SLC8A3: variants seen among roughly 807,000 people sequenced by gnomAD.
SLC8A3 encodes the protein sodium/calcium exchanger 3.
A neutral mutation model predicts 65.4 loss-of-function variants in SLC8A3; 37 were observed. The observed-to-expected ratio is 0.57, with a 90% confidence interval of 0.44 to 0.74. The LOEUF is 0.74. SLC8A3 is among the 30% of genes least tolerant of loss of function. The probability of loss-of-function intolerance (pLI) is 0.00; values close to 1 mark genes in which losing one functional copy is unlikely to be tolerated. For missense variants in SLC8A3, 1,112 were observed against 1,172.1 expected (o/e 0.95, Z 0.75); for synonymous variants, 461 against 444.5 (o/e 1.04, Z -0.47).
chr14:70,170,693 C>T (rs889154916), intron 1 of SLC8A3, among the ~76,000 whole-genome samples: 2 of 152,180 alleles, frequency 1.3e-5, no homozygotes, highest in Non-Finnish European at 2.9e-5. Context: ...AAAGCCTGTG[C>T]TCAAAGAGAA....
chr14:70,064,516 G>A (rs1889186530), intron 2 of SLC8A3, among the ~76,000 whole-genome samples: 1 of 151,648 alleles, frequency 6.6e-6, no homozygotes, highest in Non-Finnish European at 1.5e-5. Context: ...CTATTCTATG[G>A]GAGCCGGCGG....
chr14:70,058,647 A>T (rs1888429013), intron 3 of SLC8A3, among the ~76,000 whole-genome samples: 1 of 152,200 alleles, frequency 6.6e-6, no homozygotes, highest in Admixed American at 6.5e-5. Context: ...AGACATTTGC[A>T]TTTGGTTAGG....
chr14:70,079,084 G>T (rs528283386), intron 2 of SLC8A3, among the ~76,000 whole-genome samples: 1 of 152,164 alleles, frequency 6.6e-6, no homozygotes, highest in Non-Finnish European at 1.5e-5. Context: ...TTCCTTATTT[G>T]TCTTCTCCAC....
intron 2 of SLC8A3, among the ~76,000 whole-genome samples, chr14:70,165,334 G>A (rs1017947451): frequency 3.9e-5 from 6 of 152,138 alleles, no homozygotes; most frequent in Non-Finnish European, 7.4e-5. Context: ...CTGGACCTGG[G>A]CAGAAGCACT....
chr14:70,177,452 A>T (rs7146198), intron 1 of SLC8A3, among the ~76,000 whole-genome samples: 1 of 152,138 alleles, frequency 6.6e-6, no homozygotes, highest in Non-Finnish European at 1.5e-5. Flanking sequence ...GCATGTGCAA[A>T]GTGCCAAGAG....
rs777377301 is a variant in SLC8A3, at chr14:70,062,459, C to T, written c.1785-1520G>A. ...CTAGATGTGTTTAGATACACAAATA[C>T]CATTGTGCTACAGTTGCCTGCAATA... On this transcript the variant is annotated intron_variant, in intron 2 of 6. Coordinates refer to ENST00000356921, the MANE Select transcript of SLC8A3 (RefSeq NM_182932.3). Among the ~76,000 whole-genome samples the T allele has an allele frequency of 7.9e-5, 12 of 152,296 alleles. 1 individual carries two copies. In the Middle Eastern group the frequency reaches 0.01, roughly 130 times the overall value.
intron 2 of SLC8A3, among the ~76,000 whole-genome samples, chr14:70,120,179 C>T (rs1893960562): frequency 6.6e-6 from 1 of 152,188 alleles, no homozygotes; most frequent in African/African-American, 2.4e-5. Context: ...GGACATTCAA[C>T]TTTATATGAG....
chr14:70,176,099 C>G (rs1223646243), intron 1 of SLC8A3, among the ~76,000 whole-genome samples: 4 of 152,186 alleles, frequency 2.6e-5, no homozygotes, highest in Non-Finnish European at 4.4e-5. Context: ...CTCTCTACCT[C>G]TAAAATTCTG....
chr14:70,092,102 C>A (rs981108660), intron 2 of SLC8A3, among the ~76,000 whole-genome samples: 16 of 152,218 alleles, frequency 1.1e-4, no homozygotes, highest in African/African-American at 3.1e-4. Flanking sequence ...TTTCAAAGGA[C>A]TTTGATTTTT....
intron 1 of SLC8A3, among the ~76,000 whole-genome samples, chr14:70,174,707 C>T (rs947508520): frequency 1.8e-5 from 2 of 109,048 alleles, no homozygotes; most frequent in South Asian, 3.3e-4. Context: ...TAAGGCCAAA[C>T]ACTGTGCTAG....
At chr14:70,112,841 A>T (rs1893399761) in intron 2 of SLC8A3, among the ~76,000 whole-genome samples, 1 of 151,616 alleles carries the variant, frequency 6.6e-6, no homozygotes, top group African/African-American at 2.4e-5. Flanking sequence ...TAGATGCCTC[A>T]CTCCAGTCTT....
intron 2 of SLC8A3, among the ~76,000 whole-genome samples, chr14:70,099,157 C>A (rs7148389): frequency 0.091 from 13,825 of 152,196 alleles, 1,036 homozygotes; most frequent in East Asian, 0.41. Flanking sequence ...TTTTTCACAT[C>A]CCGAGAAGGA....
intron 1 of SLC8A3, among the ~76,000 whole-genome samples, chr14:70,175,468 T>C (rs956569516): frequency 6.6e-6 from 1 of 152,152 alleles, no homozygotes; most frequent in Non-Finnish European, 1.5e-5. Flanking sequence ...AAAGGGATGG[T>C]GGAAGAGTAG....
At chr14:70,128,561 A>G (rs568674255) in intron 2 of SLC8A3, among the ~76,000 whole-genome samples, 1 of 152,154 alleles carries the variant, frequency 6.6e-6, no homozygotes, top group Non-Finnish European at 1.5e-5. Context: ...GCCATCTCCC[A>G]TCTAACCCAT....
intron 1 of SLC8A3, among the ~76,000 whole-genome samples, chr14:70,179,856 G>T (rs766667350): frequency 6.6e-6 from 1 of 152,206 alleles, no homozygotes; most frequent in Non-Finnish European, 1.5e-5. Context: ...TACAGAAGAA[G>T]AAATTGGGGC....
chr14:70,063,787 A>G (rs1889084528), intron 2 of SLC8A3: 5 of 1,102,062 alleles, frequency 4.5e-6, no homozygotes, highest in South Asian at 4.0e-5. Context: ...AGGAGAGAAG[A>G]ATGTTAGTGT....
Position 70,046,468 on chromosome 14 carries a change from AGTTCTGC to A in SLC8A3, c.2390-152_2390-146del. 2.6e-6 allele frequency: 2 copies of A among 781,312 alleles called. No homozygotes were observed. The highest frequency in any genetic ancestry group is 3.8e-5 in the South Asian group (2 of 51,962). The allele number at this position is 781,312 out of a possible 1,614,324, so 48.4% of individuals were successfully genotyped here. A position where few individuals can be genotyped will look rare whatever the true frequency, so the allele number is the denominator to read the frequency against. ...GGCTAGGGGGCCACTCCTAACTCCT[AGTTCTGC>A]CGCAAGCAAGCCGTGTGGCCCTGGG... On this transcript the variant is annotated intron_variant, in intron 6 of 6. Transcript: ENST00000356921. This position sits in a 1 kb window ranked among gnomAD's most constrained non-coding sequence, Gnocchi z 4.2.
chr14:70,159,155 T>C (rs1365860296), intron 2 of SLC8A3, among the ~76,000 whole-genome samples: 1 of 152,152 alleles, frequency 6.6e-6, no homozygotes, highest in African/African-American at 2.4e-5. Context: ...ATACCTGTAA[T>C]CCCAGCACTT....
chr14:70,080,208 G>C (rs1009062268), intron 2 of SLC8A3: 1 of 985,208 alleles, frequency 1.0e-6, no homozygotes, highest in African/African-American at 1.7e-5. Flanking sequence ...TTGATACTCA[G>C]ACTATATTTA....
Sources: allele counts gnomAD v4.1 joint callset (sites outside exome capture counted in the v4.1 genomes callset), GRCh38; gene constraint gnomAD v4.1.1; non-coding constraint Gnocchi (gnomAD v3.1); transcripts MANE v1.5; gene names NCBI Gene and HGNC (gene_info 2026-07-23, HGNC 2026-07-21).